The following DSCAM variants were observed in gnomAD, a reference collection of about 807,000 sequenced individuals.
DSCAM encodes cell adhesion molecule DSCAM.
A neutral mutation model predicts 217.7 loss-of-function variants in DSCAM; 47 were observed. The ratio of observed to expected loss-of-function variants is 0.22; its 90% CI spans 0.17 to 0.28. The LOEUF is 0.28. Ranked by LOEUF, DSCAM falls within the 10% of genes least tolerant of loss-of-function variation. DSCAM has a pLI of 1.00. For missense variants in DSCAM, 2,080 were observed against 2,618.3 expected, an observed-to-expected ratio of 0.79 and a Z score of 4.49; for synonymous variants, 1,056 against 1,015.3, an observed-to-expected ratio of 1.04 and a Z score of -0.76.
chr21:40,039,455 C>T (rs975279340), intron 32 of DSCAM, among the ~76,000 whole-genome samples: 5 of 152,070 alleles, frequency 3.3e-5, no homozygotes, highest in African/African-American at 1.2e-4. Flanking sequence ...TTTGTTGTCA[C>T]AAGCATGATA....
chr21:40,770,574 C>T (rs752524164), intron 1 of DSCAM, among the ~76,000 whole-genome samples: 2 of 152,178 alleles, frequency 1.3e-5, no homozygotes, highest in Non-Finnish European at 2.9e-5. Flanking sequence ...CAGCCCTTAC[C>T]GTCTTTCAGA....
intron 11 of DSCAM, among the ~76,000 whole-genome samples, chr21:40,199,724 A>G (rs923825948): frequency 2.0e-5 from 3 of 152,108 alleles, no homozygotes; most frequent in South Asian, 4.2e-4. Flanking sequence ...GAGTTGATCA[A>G]TGAGAATACG....
intron 17 of DSCAM, among the ~76,000 whole-genome samples, chr21:40,143,868 C>T (rs551145376): frequency 3.3e-5 from 5 of 152,356 alleles, no homozygotes; most frequent in East Asian, 1.9e-4. Context: ...AAAGCTACCA[C>T]TTATTGCTAC....
intron 3 of DSCAM, among the ~76,000 whole-genome samples, chr21:40,403,598 T>G (rs2075256505): frequency 6.6e-6 from 1 of 151,228 alleles, no homozygotes; most frequent in Admixed American, 6.6e-5. Context: ...TCAACACACA[T>G]GCTTACATAC....
chr21:40,109,923 C>A (rs888364503), intron 20 of DSCAM, among the ~76,000 whole-genome samples: 4 of 152,168 alleles, frequency 2.6e-5, no homozygotes, highest in Non-Finnish European at 4.4e-5. Context: ...GGCCGGGAAG[C>A]TCAAACTGGG....
At chr21:40,130,378 C>T (rs776869514) in intron 19 of DSCAM, among the ~76,000 whole-genome samples, 27 of 152,176 alleles carry the variant, frequency 1.8e-4, no homozygotes, top group Non-Finnish European at 3.5e-4. Context: ...GGTACAAGTT[C>T]TCACTGATAG....
In DSCAM at chr21:40,196,956, G is replaced by C. The variant is rs551615066; in HGVS notation, c.2357-7718C>G. On this transcript the variant is annotated intron_variant, in intron 11 of 32. Coordinates refer to ENST00000400454, the MANE Select transcript of DSCAM (RefSeq NM_001389.5). Reference sequence around the variant, plus strand: ...CAAAACATTTCCAGCAGATTAATTGGATTTGCATCTATATTAACAAAGGTC... The same window carrying C: ...CAAAACATTTCCAGCAGATTAATTGCATTTGCATCTATATTAACAAAGGTC... Among the ~76,000 whole-genome samples, 4 of 152,258 alleles carry C rather than the reference G, an allele frequency of 2.6e-5. No homozygotes were observed. In the South Asian group the frequency reaches 8.3e-4, roughly 32 times the overall value.
intron 1 of DSCAM, among the ~76,000 whole-genome samples, chr21:40,730,071 T>G (rs928569215): frequency 2.0e-5 from 3 of 152,198 alleles, no homozygotes; most frequent in African/African-American, 7.2e-5. Flanking sequence ...GAAATGTGGC[T>G]TGGGCTTCAC....
chr21:40,646,937 C>T (rs900277510), intron 3 of DSCAM, among the ~76,000 whole-genome samples: 1 of 152,238 alleles, frequency 6.6e-6, no homozygotes, highest in African/African-American at 2.4e-5. Flanking sequence ...TCTAAAGTTT[C>T]GCTTTGCTCT....
intron 1 of DSCAM, among the ~76,000 whole-genome samples, chr21:40,748,122 A>C (rs771221179): frequency 9.9e-5 from 15 of 152,132 alleles, no homozygotes; most frequent in Non-Finnish European, 2.1e-4. Flanking sequence ...CTGAGCAGGA[A>C]ACAGTTGAAA....
chr21:40,420,705 A>G (rs2123817765), intron 3 of DSCAM, among the ~76,000 whole-genome samples: 1 of 152,330 alleles, frequency 6.6e-6, no homozygotes, highest in South Asian at 2.1e-4. Flanking sequence ...GTATCTTTAT[A>G]CAAAGGGGGA....
At chr21:40,473,565 G>A (rs2075907594) in intron 3 of DSCAM, among the ~76,000 whole-genome samples, 1 of 152,206 alleles carries the variant, frequency 6.6e-6, no homozygotes, top group Non-Finnish European at 1.5e-5. Context: ...CTATCAGGTA[G>A]ATCATACAGG....
intron 3 of DSCAM, among the ~76,000 whole-genome samples, chr21:40,630,392 G>A (rs2089673340): frequency 2.6e-5 from 4 of 152,170 alleles, no homozygotes; most frequent in Non-Finnish European, 4.4e-5. Flanking sequence ...TCTGTCTCCA[G>A]GGTTCAAGAG....
chr21:40,082,840 G>T (rs1241179987), intron 24 of DSCAM, among the ~76,000 whole-genome samples: 3 of 152,160 alleles, frequency 2.0e-5, no homozygotes, highest in Non-Finnish European at 4.4e-5. Flanking sequence ...TAGGGTGGCT[G>T]TGGCCACTGA....
chr21:40,116,871 G>T (rs186082870), intron 20 of DSCAM, among the ~76,000 whole-genome samples: 1 of 150,456 alleles, frequency 6.6e-6, no homozygotes, highest in South Asian at 2.1e-4. Context: ...GCATGGTGGC[G>T]GGCGCCTGTA....
intron 9 of DSCAM, 33 bp from the exon 10 acceptor site, chr21:40,296,207 A>G: frequency 6.2e-7 from 1 of 1,611,380 alleles, no homozygotes; most frequent in Non-Finnish European, 8.5e-7. Context: ...AGTAATTAAG[A>G]CTAGACCAGA....
chr21:40,124,361 G>C, intron 19 of DSCAM, 33 bp from the exon 20 acceptor site: 3 of 1,611,764 alleles, frequency 1.9e-6, no homozygotes, highest in Non-Finnish European at 2.5e-6. Context: ...CACAAGGTGG[G>C]GCCTCAACTT....
intron 3 of DSCAM, among the ~76,000 whole-genome samples, chr21:40,692,181 C>T (rs1339877361): frequency 1.3e-5 from 2 of 152,234 alleles, no homozygotes; most frequent in Admixed American, 6.5e-5. Flanking sequence ...CGGACAGTCG[C>T]CTTTCCAGGT....
intron 3 of DSCAM, among the ~76,000 whole-genome samples, chr21:40,406,771 GTTC>G (rs1388107868): frequency 2.6e-5 from 4 of 151,954 alleles, no homozygotes; most frequent in African/African-American, 4.8e-5. Flanking sequence ...TGTGTTTTTT[GTTC>G]TTCTTCTTGT....
Sources: allele counts gnomAD v4.1 joint callset (sites outside exome capture counted in the v4.1 genomes callset), GRCh38; gene constraint gnomAD v4.1.1; transcripts MANE v1.5; gene names NCBI Gene and HGNC (gene_info 2026-07-23, HGNC 2026-07-21).